Variants in TATDN1 observed in about 807,000 individuals in gnomAD.
The protein encoded by TATDN1 is deoxyribonuclease TATDN1.
Under a neutral mutation model 46.4 loss-of-function variants are expected in TATDN1, and 40 were observed. The ratio of observed to expected loss-of-function variants is 0.86; its 90% confidence interval spans 0.67 to 1.12. The LOEUF (loss-of-function observed/expected upper bound fraction) is 1.12. Among genes scored for constraint, TATDN1 ranks in the 50% most tolerant of loss-of-function variants. TATDN1 has a pLI of 0.00. For synonymous variants in TATDN1, 95 were observed against 105.6 expected (o/e 0.90, Z 0.62); for missense variants, 326 against 348.4 (o/e 0.94, Z 0.51).
intron 9 of TATDN1, among the ~76,000 whole-genome samples, chr8:124,499,481 A>G (rs1325521512): frequency 6.6e-6 from 1 of 152,206 alleles, no homozygotes. Flanking sequence ...TTTCTATTTA[A>G]TAAGGCTTCC....
chr8:124,494,748 G>GT (rs1711968466), intron 10 of TATDN1: 1 of 147,214 alleles, frequency 6.8e-6, no homozygotes, highest in Non-Finnish European at 1.5e-5. Context: ...TTGAGACTGA[G>GT]TTTCGCCCTT....
chr8:124,509,883 A>T (rs1282618310), intron 6 of TATDN1, among the ~76,000 whole-genome samples: 3 of 152,098 alleles, frequency 2.0e-5, no homozygotes, highest in African/African-American at 7.2e-5. Context: ...TACTAAATAT[A>T]CAAAAATTAG....
chr8:124,490,680 A>C (rs557817688), intron 11 of TATDN1, among the ~76,000 whole-genome samples: 2 of 152,268 alleles, frequency 1.3e-5, no homozygotes, highest in Non-Finnish European at 2.9e-5. Context: ...AAATGAATAT[A>C]AAGTTGTTTA....
chr8:124,534,400 T>C (rs1234247488), intron 1 of TATDN1, among the ~76,000 whole-genome samples: 1 of 152,204 alleles, frequency 6.6e-6, no homozygotes, highest in African/African-American at 2.4e-5. Context: ...TCACCTGCTT[T>C]TGAATGACAA....
chr8:124,490,512 AAAAAAAG>A (rs1435650681), intron 11 of TATDN1, among the ~76,000 whole-genome samples: 2 of 152,062 alleles, frequency 1.3e-5, no homozygotes, highest in African/African-American at 2.4e-5. Flanking sequence ...TCTCTCTCCA[AAAAAAAG>A]AAAAAAGAAA....
intron 1 of TATDN1, among the ~76,000 whole-genome samples, chr8:124,535,675 T>A (rs1042554859): frequency 6.6e-6 from 1 of 152,200 alleles, no homozygotes; most frequent in Non-Finnish European, 1.5e-5. Context: ...TATGTGTGAT[T>A]TGGAGGAACT....
intron 9 of TATDN1, among the ~76,000 whole-genome samples, chr8:124,497,274 CCTT>C (rs1344258495): frequency 2.7e-5 from 4 of 148,824 alleles, no homozygotes; most frequent in African/African-American, 7.4e-5. Flanking sequence ...CTCTGTATTT[CCTT>C]CTTTCTTCTT....
intron 1 of TATDN1, among the ~76,000 whole-genome samples, chr8:124,531,691 C>T (rs1365970623): frequency 1.3e-5 from 2 of 152,094 alleles, no homozygotes; most frequent in Non-Finnish European, 2.9e-5. Flanking sequence ...ATCAAGTTGT[C>T]ACATGGTTAA....
At chr8:124,491,249 T>C (rs1215138581) in intron 11 of TATDN1, 1 of 152,236 alleles carries the variant, frequency 6.6e-6, no homozygotes, top group African/African-American at 2.4e-5. Context: ...TGCTGGCATA[T>C]AAGAGCCCTC....
At chr8:124,531,232 G>A (rs772837174) in intron 1 of TATDN1, among the ~76,000 whole-genome samples, 3 of 152,102 alleles carry the variant, frequency 2.0e-5, no homozygotes, top group African/African-American at 4.8e-5. Context: ...AATATTTCCT[G>A]GTCTAAGTGC....
At chr8:124,490,189 T>C (rs1816845511) in intron 11 of TATDN1, 1 of 152,226 alleles carries the variant, frequency 6.6e-6, no homozygotes, top group Non-Finnish European at 1.5e-5. Context: ...TTATATTGCA[T>C]AGCAAATTCA....
chr8:124,528,645 T>A (rs1402114177), intron 1 of TATDN1, among the ~76,000 whole-genome samples: 3 of 152,194 alleles, frequency 2.0e-5, no homozygotes, highest in Admixed American at 1.3e-4. Context: ...TCTGCAGCTA[T>A]CTTGAGGTGG....
chr8:124,508,128 C>A (rs979755881), intron 8 of TATDN1, among the ~76,000 whole-genome samples: 1 of 152,202 alleles, frequency 6.6e-6, no homozygotes, highest in Non-Finnish European at 1.5e-5. Flanking sequence ...TATCCCTTAT[C>A]CCAAGTGTGT....
At chr8:124,506,495 G>A (rs984449409) in intron 8 of TATDN1, among the ~76,000 whole-genome samples, 3 of 151,992 alleles carry the variant, frequency 2.0e-5, no homozygotes, top group Non-Finnish European at 4.4e-5. Context: ...GTTCCTACAG[G>A]ATAAATTACA....
intron 1 of TATDN1, among the ~76,000 whole-genome samples, chr8:124,535,679 A>G (rs906682080): frequency 6.6e-6 from 1 of 152,220 alleles, no homozygotes; most frequent in African/African-American, 2.4e-5. Flanking sequence ...TGTGATTTGG[A>G]GGAACTGTAT....
intron 9 of TATDN1, among the ~76,000 whole-genome samples, chr8:124,495,848 G>T (rs111445693): frequency 2.6e-5 from 4 of 152,288 alleles, no homozygotes; most frequent in South Asian, 2.1e-4. Context: ...AGTAATTTGC[G>T]TAACTTAGAG....
intron 1 of TATDN1, among the ~76,000 whole-genome samples, chr8:124,533,005 C>A (rs1821099165): frequency 6.6e-6 from 1 of 152,194 alleles, no homozygotes; most frequent in Admixed American, 6.5e-5. Flanking sequence ...GTAATCCCAG[C>A]ACTTTAGGAG....
chr8:124,494,339 T>A (rs1420417040), intron 10 of TATDN1: 1 of 154,304 alleles, frequency 6.5e-6, no homozygotes, highest in Non-Finnish European at 1.4e-5. Flanking sequence ...CAAATTTCTA[T>A]CTCTACTGAA....
intron 9 of TATDN1, among the ~76,000 whole-genome samples, chr8:124,497,442 C>T (rs536391800): frequency 1.1e-4 from 16 of 152,000 alleles, no homozygotes; most frequent in Admixed American, 2.0e-4. Context: ...CCTGCCACCA[C>T]GCCCGGCTCA....
Sources: allele counts gnomAD v4.1 joint callset (sites outside exome capture counted in the v4.1 genomes callset), GRCh38; gene constraint gnomAD v4.1.1; transcripts MANE v1.5; gene names NCBI Gene and HGNC (gene_info 2026-07-23, HGNC 2026-07-21).